ARHGAP12: variants seen among roughly 807,000 people sequenced by gnomAD.
ARHGAP12 encodes the protein Rho GTPase activating protein 12.
In ARHGAP12, 64 loss-of-function variants were observed where a neutral mutation model predicts 108.6. That is an observed-to-expected ratio of 0.59 (90% CI 0.48 to 0.73). The LOEUF is 0.73. Ranked by LOEUF, ARHGAP12 falls within the 30% of genes least tolerant of loss-of-function variation. The probability of loss-of-function intolerance (pLI) is 0.00; values close to 1 mark genes in which losing one functional copy is unlikely to be tolerated. For missense variants in ARHGAP12, 940 were observed against 1,005.9 expected (o/e 0.93, Z 0.89); for synonymous variants, 312 against 337.2 (o/e 0.93, Z 0.82).
chr10:31,861,827 A>G lies in ARHGAP12; in HGVS notation c.685-169T>C, dbSNP rs191418259. Among the ~76,000 whole-genome samples the G allele has an allele frequency of 3.3e-3, 501 of 152,322 alleles. 3 individuals are homozygous for G. Among genetic ancestry groups the G allele is most frequent in the African/African-American group, 0.011 (463 of 41,572 alleles). On this transcript the variant is annotated intron_variant, in intron 3 of 19. Coordinates refer to ENST00000344936, the MANE Select transcript of ARHGAP12 (RefSeq NM_018287.7). ...TAACAGTTTTAATATTCATAGTTTC[A>G]TTGAAAAATAAATAAAAGCTTCAAA...
At chr10:31,918,249 G>T (rs1428551212) in intron 1 of ARHGAP12, among the ~76,000 whole-genome samples, 1 of 151,348 alleles carries the variant, frequency 6.6e-6, no homozygotes, top group Non-Finnish European at 1.5e-5. Flanking sequence ...AAATTAAGGA[G>T]CATCTGTATA....
rs772581009 is a variant in ARHGAP12, at chr10:31,854,234, TTTC to T, written c.949-31_949-29del. Reference sequence around the variant, plus strand: ...ACAAATAGTCAGAAACATAAGGATTTTTCTTTTTTGAATATAAATATGAATTGG... The same window carrying T: ...ACAAATAGTCAGAAACATAAGGATTTTTTTTTGAATATAAATATGAATTGG... On this transcript the variant is annotated intron_variant, in intron 4 of 19. Transcript: ENST00000344936. 5.1e-6 allele frequency: 8 copies of T among 1,568,920 alleles called. No individual in the cohort carries two copies. In the South Asian group the frequency reaches 7.2e-5, roughly 14 times the overall value.
chr10:31,851,069 T>C (rs371857036), intron 6 of ARHGAP12, among the ~76,000 whole-genome samples: 1 of 150,956 alleles, frequency 6.6e-6, no homozygotes, highest in Non-Finnish European at 1.5e-5. Context: ...AATGTGATAA[T>C]AGTAGTATCT....
rs1011625364 is a variant in ARHGAP12 at position 31,811,675 on chromosome 10, A to ATTTTATTTTT, written c.1952-938_1952-929dup. On this transcript the variant is annotated intron_variant, in intron 15 of 19. Transcript: ENST00000344936. ...AAGTCTTAAATACCTTTTTTATTTT[A>ATTTTATTTTT]TTTTATTTTTTTTAAGACAGTCTTT... 2.7e-5 allele frequency among the ~76,000 whole-genome samples: 4 copies of ATTTTATTTTT among 149,652 alleles called. No homozygotes were observed. In the East Asian group the frequency reaches 7.8e-4, roughly 29 times the overall value.
At chr10:31,888,605 A>G (rs1362521563) in intron 3 of ARHGAP12, among the ~76,000 whole-genome samples, 2 of 152,120 alleles carry the variant, frequency 1.3e-5, no homozygotes, top group Non-Finnish European at 2.9e-5. Flanking sequence ...CTAATGCCCA[A>G]ATGAATAATC....
At chr10:31,910,951 C>T (rs1028202808) in intron 1 of ARHGAP12, among the ~76,000 whole-genome samples, 13 of 152,218 alleles carry the variant, frequency 8.5e-5, no homozygotes, top group Admixed American at 3.9e-4. Context: ...AGAATAAAAA[C>T]GTATGTTAAA....
intron 1 of ARHGAP12, among the ~76,000 whole-genome samples, chr10:31,928,474 T>A (rs1168044159): frequency 7.1e-6 from 1 of 140,734 alleles, no homozygotes; most frequent in Non-Finnish European, 1.5e-5. Flanking sequence ...CCTCGGCGCC[T>A]AACCCCCGCG....
intron 1 of ARHGAP12, among the ~76,000 whole-genome samples, chr10:31,918,693 G>C (rs1839666396): frequency 6.6e-6 from 1 of 152,178 alleles, no homozygotes; most frequent in African/African-American, 2.4e-5. Flanking sequence ...GCAACAGAGT[G>C]AGACCCTGTC....
Position 31,807,571 on chromosome 10 carries a change from T to G in ARHGAP12, c.*87A>C. On this transcript the variant is annotated 3_prime_UTR_variant, in exon 20 of 20. Transcript: ENST00000344936. ...AGTGCAAAATCAAAGAGTCACTGCT[T>G]GGTCCAAAAAATAAAATACATTGTG... 1 of 1,380,682 alleles carries G rather than the reference T, an allele frequency of 7.2e-7. No homozygotes were observed. The highest frequency in any genetic ancestry group is 9.7e-7 in the Non-Finnish European group (1 of 1,027,822). The allele number at this position is 1,380,682 out of a possible 1,614,324, so 85.5% of individuals were successfully genotyped here.
At chr10:31,927,144 G>C (rs767487978) in intron 1 of ARHGAP12, among the ~76,000 whole-genome samples, 4 of 152,182 alleles carry the variant, frequency 2.6e-5, no homozygotes, top group Non-Finnish European at 4.4e-5. Flanking sequence ...CAGACGGTCT[G>C]GCTCGTCAGG....
In ARHGAP12 at chr10:31,861,441, T is replaced by A; in HGVS notation, c.902A>T (p.Asp301Val). ...RTWKPPRWTR[D>V]ASISKGDFQN... ...GAAATCTCCTTTGCTGATGCTTGCA[T>A]CCCGAGTCCAACGAGGAGGTTTCCA... Residue 301 changes from aspartate (D) to valine (V), a missense_variant, in exon 4 of 20, where the codon GAT becomes GTT. By Grantham distance (152) the Asp-to-Val change is radical. Coordinates refer to ENST00000344936, the MANE Select transcript of ARHGAP12 (RefSeq NM_018287.7). The A allele has an allele frequency of 1.2e-6, 2 of 1,614,202 alleles. No homozygotes were observed. Among genetic ancestry groups the A allele is most frequent in the Non-Finnish European group, 1.7e-6 (2 of 1,180,018 alleles).
intron 13 of ARHGAP12, among the ~76,000 whole-genome samples, chr10:31,815,750 TAA>T (rs1214319071): frequency 6.6e-6 from 1 of 152,214 alleles, no homozygotes; most frequent in African/African-American, 2.4e-5. Context: ...TGTCTCTCAA[TAA>T]AGAGTTGTAA....
chr10:31,809,994 G>C (rs1303588768), intron 16 of ARHGAP12, among the ~76,000 whole-genome samples: 1 of 152,106 alleles, frequency 6.6e-6, no homozygotes, highest in Non-Finnish European at 1.5e-5. Context: ...ATGTTGACAA[G>C]AAGAGTCAGT....
At chr10:31,812,886 T>C in intron 14 of ARHGAP12, 63 bp from the exon 15 acceptor site, 1 of 895,590 alleles carries the variant, frequency 1.1e-6, no homozygotes, top group East Asian at 2.5e-5. Context: ...TACAAGTTTT[T>C]CCAGCTAGCA....
At chr10:31,915,670 T>G (rs1200873040) in intron 1 of ARHGAP12, among the ~76,000 whole-genome samples, 1 of 152,206 alleles carries the variant, frequency 6.6e-6, no homozygotes, top group Non-Finnish European at 1.5e-5. Flanking sequence ...ACTACGTATA[T>G]ATACTTCAAA....
Position 31,810,714 on chromosome 10 carries a change from C to T in ARHGAP12, c.1985G>A (p.Cys662Tyr), listed in dbSNP as rs201809535. The T allele has an allele frequency of 7.5e-6, 12 of 1,609,460 alleles. No individual in the cohort carries two copies. The African/African-American group carries it at 1.6e-4, about 22-fold the overall frequency. ...QVFGSNLANL[C>Y]QRENGTVPKF... The stretch of plus-strand genomic sequence containing the variant: ...TGGTACTGTGCCATTCTCTCTCTGA[C>T]ACAGATTAGCGAGATTGGATCCAAA... The change falls in exon 16 of 20, where the codon TGT becomes TAT. Residue 662 changes from cysteine to tyrosine, a missense_variant. By Grantham distance (194) the Cys-to-Tyr change is radical. Transcript: ENST00000344936.
At chr10:31,894,094 A>G (rs1838572905) in intron 3 of ARHGAP12, among the ~76,000 whole-genome samples, 1 of 152,216 alleles carries the variant, frequency 6.6e-6, no homozygotes, top group South Asian at 2.1e-4. Context: ...GATGGGATGT[A>G]TCTCAAAATA....
intron 3 of ARHGAP12, among the ~76,000 whole-genome samples, chr10:31,877,019 A>C (rs1837757769): frequency 6.6e-6 from 1 of 152,218 alleles, no homozygotes; most frequent in African/African-American, 2.4e-5. Flanking sequence ...GACATGTGTC[A>C]GCTCCTTTTG....
chr10:31,905,563 G>C (rs1004867255), intron 3 of ARHGAP12, among the ~76,000 whole-genome samples: 2 of 152,106 alleles, frequency 1.3e-5, no homozygotes, highest in Non-Finnish European at 2.9e-5. Flanking sequence ...GCCGATAAAG[G>C]TAAAGGAAGA....
Sources: gnomAD v4.1 joint callset for allele counts (sites outside exome capture counted in the v4.1 genomes callset) on GRCh38, gnomAD v4.1.1 for gene constraint, MANE v1.5 for transcripts, NCBI Gene and HGNC (gene_info 2026-07-23, HGNC 2026-07-21) for gene names.